KPNA3: variants seen among roughly 807,000 people sequenced by gnomAD.
The protein encoded by KPNA3 is karyopherin subunit alpha 3, also known as importin subunit alpha-4.
A neutral mutation model predicts 73.8 loss-of-function variants in KPNA3; 13 were observed. The observed-to-expected ratio is 0.18, with a 90% CI of 0.11 to 0.28. The LOEUF (loss-of-function observed/expected upper bound fraction) is 0.28. Ranked by LOEUF, KPNA3 falls within the 10% of genes least tolerant of loss-of-function variation. The probability of loss-of-function intolerance (pLI) is 1.00; values close to 1 mark genes in which losing one functional copy is unlikely to be tolerated. For missense variants in KPNA3, 360 were observed against 618.1 expected, an observed-to-expected ratio of 0.58 and a Z score of 4.43; for synonymous variants, 186 against 206.9, an observed-to-expected ratio of 0.90 and a Z score of 0.87.
intron 1 of KPNA3, among the ~76,000 whole-genome samples, chr13:49,756,930 T>A (rs77801881): frequency 0.027 from 4,175 of 152,222 alleles, 194 homozygotes; most frequent in African/African-American, 0.094. Context: ...TTTACAAAGG[T>A]GCAAAAGCAA....
chr13:49,772,622 G>A (rs1954864514), intron 1 of KPNA3, among the ~76,000 whole-genome samples: 1 of 152,154 alleles, frequency 6.6e-6, no homozygotes, highest in Admixed American at 6.5e-5. Context: ...GGCCAACGTG[G>A]TGAAACCCCA....
intron 1 of KPNA3, among the ~76,000 whole-genome samples, chr13:49,757,293 GA>G (rs1420038229): frequency 6.6e-6 from 1 of 151,120 alleles, no homozygotes; most frequent in Non-Finnish European, 1.5e-5. Flanking sequence ...ACATATCCAA[GA>G]AAGGACTAGT....
At chr13:49,716,231 A>T (rs1236105549) in intron 10 of KPNA3, among the ~76,000 whole-genome samples, 1 of 152,006 alleles carries the variant, frequency 6.6e-6, no homozygotes, top group African/African-American at 2.4e-5. Flanking sequence ...GGCTCAAGCG[A>T]TTTTCTTGCC....
Position 49,709,623 on chromosome 13 carries a change from G to A in KPNA3, c.981C>T (p.Val327=). 1 of 1,613,364 alleles carries A rather than the reference G, an allele frequency of 6.2e-7. No homozygotes were observed. Among genetic ancestry groups the A allele is most frequent in the South Asian group, 1.1e-5 (1 of 91,056 alleles). ...EQTQVVLNCD[V]LSHFPNLLSH... is the part of the protein sequence containing the mutation. Reference sequence around the variant, plus strand: ...ATAAGAGATTTGGGAAGTGTGACAGGACATCACAATTGAGAACAACCTGGG... The same window carrying A: ...ATAAGAGATTTGGGAAGTGTGACAGAACATCACAATTGAGAACAACCTGGG... Residue 327 remains valine (V), a synonymous_variant, in exon 12 of 17, where the codon GTC becomes GTT. Coordinates refer to ENST00000261667, the MANE Select transcript of KPNA3 (RefSeq NM_002267.4).
intron 1 of KPNA3, among the ~76,000 whole-genome samples, chr13:49,765,447 T>C (rs1362012275): frequency 1.3e-5 from 2 of 152,212 alleles, no homozygotes; most frequent in Non-Finnish European, 2.9e-5. Flanking sequence ...AAAGTATACA[T>C]ACAATTCAAT....
intron 1 of KPNA3, among the ~76,000 whole-genome samples, chr13:49,791,894 C>G (rs1290687806): frequency 6.6e-6 from 1 of 152,224 alleles, no homozygotes; most frequent in Non-Finnish European, 1.5e-5. Context: ...TCAAACAAGT[C>G]AGTTACCCGG....
At chr13:49,744,460 G>A (rs1954599627) in intron 2 of KPNA3, among the ~76,000 whole-genome samples, 1 of 152,144 alleles carries the variant, frequency 6.6e-6, no homozygotes. Flanking sequence ...AATGATTGAT[G>A]ATTAATAGAT....
intron 2 of KPNA3, among the ~76,000 whole-genome samples, chr13:49,741,336 TGTAAGATGA>T (rs1400507900): frequency 6.6e-6 from 1 of 152,220 alleles, no homozygotes; most frequent in African/African-American, 2.4e-5. Flanking sequence ...TTCTAACAGG[TGTAAGATGA>T]TATCTCACAG....
chr13:49,769,590 T>C (rs1488270642), intron 1 of KPNA3, among the ~76,000 whole-genome samples: 3 of 152,266 alleles, frequency 2.0e-5, no homozygotes, highest in Non-Finnish European at 4.4e-5. Flanking sequence ...GATTCATCCA[T>C]GCTGTAGCAT....
rs558605678 is a variant in KPNA3, at chr13:49,732,609, C to T, written c.283G>A (p.Ala95Thr). ...TCTAGACAAATTAGTATTTACCTTGCTGCCTGGACAGCACTCAATTGGACC... is the reference window on the plus strand; with the variant it reads ...TCTAGACAAATTAGTATTTACCTTGTTGCCTGGACAGCACTCAATTGGACC... Reference protein sequence around the residue: ...PVVQLSAVQAARKLLSSDRNP... With the variant: ...PVVQLSAVQATRKLLSSDRNP... Residue 95 changes from alanine (A) to threonine (T), a missense_variant, in exon 5 of 17, where the codon GCA (alanine) becomes ACA (threonine). Around this residue, in one of 3 missense-constraint regions of KPNA3, gnomAD observed 287 missense variants for 549.1 expected, o/e 0.52. Transcript: ENST00000261667. The T allele has an allele frequency of 3.1e-6, 5 of 1,607,524 alleles. No individual in the cohort carries two copies. The highest frequency in any genetic ancestry group is 3.4e-6 in the Non-Finnish European group (4 of 1,175,108).
intron 10 of KPNA3, among the ~76,000 whole-genome samples, chr13:49,712,943 C>T (rs1211542167): frequency 6.7e-6 from 1 of 149,498 alleles, no homozygotes; most frequent in Non-Finnish European, 1.5e-5. Context: ...AATCTATCAA[C>T]CTATGTGAAT....
chr13:49,732,948 G>C lies in KPNA3; in HGVS notation c.204+9C>G, dbSNP rs1163333910. On this transcript the variant is annotated intron_variant, in intron 3 of 16. Coordinates refer to ENST00000261667, the MANE Select transcript of KPNA3 (RefSeq NM_002267.4). ...ATTTTAAAATCACTATTAAAACATG[G>C]TAACTTACTGCTTTAAAATCAGCAT... 1 of 1,562,094 alleles carries C rather than the reference G, an allele frequency of 6.4e-7. No individual in the cohort carries two copies. Among genetic ancestry groups the C allele is most frequent in the East Asian group, 2.2e-5 (1 of 44,574 alleles).
chr13:49,728,822 T>C (rs1954435416), intron 6 of KPNA3, among the ~76,000 whole-genome samples: 1 of 152,206 alleles, frequency 6.6e-6, no homozygotes, highest in African/African-American at 2.4e-5. Context: ...CACCACAATG[T>C]TTCTGTTCAT....
chr13:49,738,248 T>C (rs1453787765), intron 2 of KPNA3, among the ~76,000 whole-genome samples: 5 of 152,226 alleles, frequency 3.3e-5, no homozygotes, highest in African/African-American at 4.8e-5. Context: ...TAACACACAG[T>C]ATTGATTACT....
intron 1 of KPNA3, among the ~76,000 whole-genome samples, chr13:49,786,562 GA>G (rs1954984018): frequency 1.3e-5 from 2 of 152,224 alleles, no homozygotes; most frequent in Non-Finnish European, 2.9e-5. Flanking sequence ...GTGTTCCAGA[GA>G]TATATGAAGG....
chr13:49,762,224 C>G lies in KPNA3; in HGVS notation c.70-15231G>C, dbSNP rs577211554. 7.4e-4 allele frequency among the ~76,000 whole-genome samples: 110 copies of G among 148,978 alleles called. 1 individual carries two copies. In the Middle Eastern group the frequency reaches 0.025, roughly 34 times the overall value. On this transcript the variant is annotated intron_variant, in intron 1 of 16. Coordinates refer to ENST00000261667, the MANE Select transcript of KPNA3 (RefSeq NM_002267.4). ...TGGAGGGCAGCCCCCGCCCGGCCAGCCGCCCCGTCGCGGAGGGAGGAGGGG... is the reference window on the plus strand; with the variant it reads ...TGGAGGGCAGCCCCCGCCCGGCCAGGCGCCCCGTCGCGGAGGGAGGAGGGG...
chr13:49,766,753 T>C (rs1357322243), intron 1 of KPNA3, among the ~76,000 whole-genome samples: 4 of 152,106 alleles, frequency 2.6e-5, no homozygotes, highest in African/African-American at 4.8e-5. Flanking sequence ...TAAAAAAATA[T>C]AGCAGGGGGT....
chr13:49,765,908 C>T (rs77021499), intron 1 of KPNA3, among the ~76,000 whole-genome samples: 3,064 of 152,240 alleles, frequency 0.02, 41 homozygotes, highest in South Asian at 0.03. Context: ...ATTTAAGCAG[C>T]TTAAAATTTT....
At chr13:49,754,620 C>A (rs368527700) in intron 1 of KPNA3, among the ~76,000 whole-genome samples, 290 of 126,100 alleles carry the variant, frequency 2.3e-3, no homozygotes, top group Middle Eastern at 4.2e-3. Context: ...CTAGTTCTTT[C>A]AAAAAAAAAA....
Sources: allele counts gnomAD v4.1 joint callset (sites outside exome capture counted in the v4.1 genomes callset), GRCh38; gene constraint gnomAD v4.1.1; regional missense constraint gnomAD v4.1.1; transcripts MANE v1.5; gene names NCBI Gene and HGNC (gene_info 2026-07-23, HGNC 2026-07-21).